WDR91: variants seen among roughly 807,000 people sequenced by gnomAD.
WDR91 encodes WD repeat domain 91, also known as WD repeat-containing protein 91.
A neutral mutation model predicts 88.4 loss-of-function variants in WDR91; 52 were observed. The ratio of observed to expected loss-of-function variants is 0.59; its 90% confidence interval spans 0.47 to 0.74. The LOEUF is 0.74. WDR91 is among the 30% of genes least tolerant of loss of function. WDR91 has a pLI of 0.00. For missense variants in WDR91, 824 were observed against 954.5 expected, an observed-to-expected ratio of 0.86 and a Z score of 1.80; for synonymous variants, 362 against 389.5, an observed-to-expected ratio of 0.93 and a Z score of 0.83.
chr7:135,187,593 C>A (rs1201216388), intron 13 of WDR91, among the ~76,000 whole-genome samples: 2 of 151,996 alleles, frequency 1.3e-5, no homozygotes, highest in Admixed American at 6.6e-5. Flanking sequence ...ATTTTTCTAT[C>A]CTAGGAACAA....
chr7:135,207,206 C>T lies in WDR91; in HGVS notation c.512-4G>A, dbSNP rs775683604. The stretch of plus-strand genomic sequence containing the variant: ...AAGTTCAGGATCACAGGGACTGGTG[C>T]ACGAAGTTAAAGAATAAGCCAGCCC... On this transcript the variant is annotated splice_region_variant and splice_polypyrimidine_tract_variant and intron_variant, in intron 3 of 14. Coordinates refer to ENST00000354475, the MANE Select transcript of WDR91 (RefSeq NM_014149.4). 9 of 1,603,240 alleles carry T rather than the reference C, an allele frequency of 5.6e-6. 1 individual carries two copies. The South Asian group carries it at 7.7e-5, about 14-fold the overall frequency.
intron 4 of WDR91, 147 bp from the exon 5 acceptor site, chr7:135,206,205 CAGACTGGGAAAAGTGACTG>C: frequency 9.8e-7 from 1 of 1,022,504 alleles, no homozygotes; most frequent in South Asian, 1.5e-5. Flanking sequence ...CTGCTCACTG[CAGACTGGGAAAAGTGACTG>C]CTGTCACTGG....
chr7:135,185,891 C>T lies in WDR91; in HGVS notation c.*260G>A, dbSNP rs1171558380. On this transcript the variant is annotated 3_prime_UTR_variant, in exon 15 of 15. Transcript: ENST00000354475. The stretch of plus-strand genomic sequence containing the variant: ...GCCACTGCAATGTTTCTCCTTCTTC[C>T]GGAGCTTTCCTCCCATAGTCTCACA... 8 of 446,726 alleles carry T rather than the reference C, an allele frequency of 1.8e-5. No homozygotes were observed. The highest frequency in any genetic ancestry group is 1.2e-4 in the East Asian group (3 of 25,784). 27.7% of individuals were successfully genotyped at this position (446,726 alleles called of 1,614,324 possible).
chr7:135,194,067 A>G (rs1440041350), intron 9 of WDR91, among the ~76,000 whole-genome samples: 1 of 152,066 alleles, frequency 6.6e-6, no homozygotes, highest in African/African-American at 2.4e-5. Context: ...CGGCTGCCAC[A>G]GGGCCTGGGT....
In WDR91 at chr7:135,207,112, G is replaced by T. The variant is rs1449271797; in HGVS notation, c.594+8C>A. ...ACTTCCTCAGGAGCAAGCCTGTTCAGAACAAACCTTCTGACGCAGAACTTC... is the reference window on the plus strand; with the variant it reads ...ACTTCCTCAGGAGCAAGCCTGTTCATAACAAACCTTCTGACGCAGAACTTC... On this transcript the variant is annotated splice_region_variant and intron_variant, in intron 4 of 14. Transcript: ENST00000354475. 7 of 1,600,512 alleles carry T rather than the reference G, an allele frequency of 4.4e-6. No individual in the cohort carries two copies. The highest frequency in any genetic ancestry group is 2.2e-5 in the South Asian group (2 of 90,772).
chr7:135,188,827 G>A (rs904676714), intron 12 of WDR91, among the ~76,000 whole-genome samples: 1 of 152,188 alleles, frequency 6.6e-6, no homozygotes, highest in African/African-American at 2.4e-5. Flanking sequence ...AGACACCTGA[G>A]AAACTCCCCT....
intron 11 of WDR91, among the ~76,000 whole-genome samples, chr7:135,192,792 G>C (rs1162060049): frequency 6.6e-6 from 1 of 152,206 alleles, no homozygotes; most frequent in Non-Finnish European, 1.5e-5. Flanking sequence ...GGCAGCTGCA[G>C]CATCTATTAC....
At chr7:135,193,183 A>G (rs292573) in intron 11 of WDR91, 48 bp downstream of exon 11, 1,168,162 of 1,593,334 alleles carry the variant, frequency 0.73, 430,810 homozygotes, top group Admixed American at 0.85. Context: ...CCAGGGGAAT[A>G]CAGAGTGTGT....
At chr7:135,193,936 A>G in intron 9 of WDR91, 1 of 427,032 alleles carries the variant, frequency 2.3e-6, no homozygotes, top group South Asian at 2.6e-5. Context: ...CACATATGGA[A>G]ATGTTCTGGC....
At chr7:135,202,244 G>C (rs1209049665) in intron 6 of WDR91, 1 of 152,190 alleles carries the variant, frequency 6.6e-6, no homozygotes, top group African/African-American at 2.4e-5. Flanking sequence ...TAGGCCAGAC[G>C]ACCTTCAAGC....
intron 4 of WDR91, 105 bp downstream of exon 4, chr7:135,207,015 A>T: frequency 1.4e-6 from 1 of 735,272 alleles, no homozygotes; most frequent in Non-Finnish European, 2.1e-6. Context: ...GAAATTAGGT[A>T]GTGGCAGTGG....
intron 13 of WDR91, among the ~76,000 whole-genome samples, chr7:135,187,957 G>A (rs1362663171): frequency 2.6e-5 from 4 of 152,144 alleles, no homozygotes; most frequent in Non-Finnish European, 4.4e-5. Context: ...CTCCCCCTCT[G>A]AGGCAGTCAC....
intron 13 of WDR91, 45 bp from the exon 14 acceptor site, chr7:135,187,214 C>A: frequency 1.2e-6 from 2 of 1,600,604 alleles, no homozygotes; most frequent in Non-Finnish European, 1.7e-6. Flanking sequence ...CGGAGCTGGC[C>A]AATGCAGGCC....
intron 11 of WDR91, among the ~76,000 whole-genome samples, chr7:135,190,538 C>T (rs552611876): frequency 1.3e-5 from 2 of 151,796 alleles, no homozygotes; most frequent in South Asian, 2.1e-4. Context: ...GACAACAGAG[C>T]AGAATCAGAC....
At chr7:135,209,872 T>C (rs1050764610) in intron 1 of WDR91, 117 bp from the exon 2 acceptor site, 1 of 864,466 alleles carries the variant, frequency 1.2e-6, no homozygotes, top group African/African-American at 1.8e-5. Context: ...ATTTGTAAGT[T>C]AGCAATCTAT....
Position 135,184,051 on chromosome 7 carries a change from A to T in WDR91, c.*2100T>A, listed in dbSNP as rs938175468. On this transcript the variant is annotated 3_prime_UTR_variant, in exon 15 of 15. Coordinates refer to ENST00000354475, the MANE Select transcript of WDR91 (RefSeq NM_014149.4). ...TCTCACTCCAATGAAACCCATGACC[A>T]CTTTTTAAATGTCCTACAGAATCAC... The T allele has an allele frequency of 6.6e-6, 1 of 152,206 alleles. No homozygotes were observed. Among genetic ancestry groups the T allele is most frequent in the Admixed American group, 6.5e-5 (1 of 15,288 alleles). 9.4% of individuals were successfully genotyped at this position (152,206 alleles called of 1,614,324 possible).
intron 4 of WDR91, 76 bp downstream of exon 4, chr7:135,207,044 G>A: frequency 8.1e-7 from 1 of 1,233,150 alleles, no homozygotes; most frequent in South Asian, 1.2e-5. Context: ...TTAATATAGT[G>A]TTCCACTGCC....
intron 6 of WDR91, among the ~76,000 whole-genome samples, chr7:135,203,521 A>C (rs1231504690): frequency 1.3e-5 from 2 of 152,228 alleles, no homozygotes; most frequent in African/African-American, 4.8e-5. Context: ...ACATCAAAAA[A>C]AGATCCGCTT....
At chr7:135,188,624 C>A in intron 12 of WDR91, 79 bp from the exon 13 acceptor site, 1 of 1,250,456 alleles carries the variant, frequency 8.0e-7, no homozygotes, top group South Asian at 1.2e-5. Flanking sequence ...GAGGCCCCCT[C>A]ACCCTCTACT....
Sources: allele counts gnomAD v4.1 joint callset (sites outside exome capture counted in the v4.1 genomes callset), GRCh38; gene constraint gnomAD v4.1.1; transcripts MANE v1.5; gene names NCBI Gene and HGNC (gene_info 2026-07-23, HGNC 2026-07-21).